Variants in GRID2 observed in about 807,000 individuals in gnomAD.
GRID2 encodes the protein glutamate receptor ionotropic, delta-2.
A neutral mutation model predicts 114.8 loss-of-function variants in GRID2; 33 were observed. The observed-to-expected ratio is 0.29, with a 90% confidence interval of 0.22 to 0.38. The LOEUF is 0.38. Ranked by LOEUF, GRID2 falls within the 10% of genes least tolerant of loss-of-function variation. GRID2 has a pLI of 1.00. For missense variants in GRID2, 1,184 were observed against 1,257.7 expected (o/e 0.94, Z 0.89); for synonymous variants, 505 against 449.9 (o/e 1.12, Z -1.55).
chr4:93,287,357 G>A (rs1302851376), intron 8 of GRID2, among the ~76,000 whole-genome samples: 1 of 152,204 alleles, frequency 6.6e-6, no homozygotes, highest in Non-Finnish European at 1.5e-5. Flanking sequence ...AGTGATAGTA[G>A]AAGAACTGGG....
intron 2 of GRID2, among the ~76,000 whole-genome samples, chr4:92,831,161 T>C (rs574381914): frequency 4.9e-4 from 74 of 152,316 alleles, no homozygotes; most frequent in Non-Finnish European, 8.2e-4. Flanking sequence ...TTGCATTCCA[T>C]GTAACAAAAA....
chr4:93,238,574 C>A, intron 8 of GRID2, 84 bp downstream of exon 8: 3 of 1,129,502 alleles, frequency 2.7e-6, no homozygotes, highest in Non-Finnish European at 3.9e-6. Flanking sequence ...GATCACAGTA[C>A]CCATTAAAGT....
chr4:93,626,107 G>C (rs900078993), intron 13 of GRID2, among the ~76,000 whole-genome samples, 162 bp from the exon 14 acceptor site: 1 of 152,102 alleles, frequency 6.6e-6, no homozygotes, highest in Non-Finnish European at 1.5e-5. Context: ...ATCCACAGGG[G>C]TTCTGAAATC....
chr4:92,555,518 T>A (rs1431794490), intron 1 of GRID2, among the ~76,000 whole-genome samples: 1 of 152,026 alleles, frequency 6.6e-6, no homozygotes, highest in Non-Finnish European at 1.5e-5. Context: ...GTGAGAAAAA[T>A]GAAGGCAGCT....
chr4:93,192,631 C>T (rs370272612), intron 4 of GRID2, among the ~76,000 whole-genome samples: 8 of 151,504 alleles, frequency 5.3e-5, no homozygotes, highest in African/African-American at 1.9e-4. Context: ...CCTCTAATCC[C>T]AGCTACTCGG....
At chr4:93,380,022 C>T (rs926235395) in intron 8 of GRID2, among the ~76,000 whole-genome samples, 1 of 151,904 alleles carries the variant, frequency 6.6e-6, no homozygotes, top group Non-Finnish European at 1.5e-5. Flanking sequence ...TAAATGGTGC[C>T]CAACCCTGCG....
intron 14 of GRID2, among the ~76,000 whole-genome samples, chr4:93,709,790 T>C (rs1728325891): frequency 6.6e-6 from 1 of 152,196 alleles, no homozygotes; most frequent in African/African-American, 2.4e-5. Flanking sequence ...CTTCTGACTG[T>C]ATGTTTAAAT....
rs1400475421 is a variant in GRID2 at position 92,757,924 on chromosome 4, A to G, written c.244+167638A>G. Among the ~76,000 whole-genome samples the G allele has an allele frequency of 3.9e-5, 6 of 152,054 alleles. No homozygotes were observed. The East Asian group carries it at 1.2e-3, about 29-fold the overall frequency. On this transcript the variant is annotated intron_variant, in intron 2 of 15. Coordinates refer to ENST00000282020, the MANE Select transcript of GRID2 (RefSeq NM_001510.4). ...AATCTTCCTAAGAAAGGTTTTAAAC[A>G]GAGTAGTGGGGCAAATTCCAAAAAA...
At position 92,851,875 on chromosome 4, in the gene GRID2, CA is replaced by C. The variant is rs1404778141; in HGVS notation, c.245-233114del. 2.0e-5 allele frequency among the ~76,000 whole-genome samples: 3 copies of C among 151,964 alleles called. No homozygotes were observed. In the East Asian group the frequency reaches 5.8e-4, roughly 29 times the overall value. On this transcript the variant is annotated intron_variant, in intron 2 of 15. Transcript: ENST00000282020. ...GGTCATTCACAAAACAGGAATGAATCAAAAAATATGTACTTTCTTTGCAAAA... is the reference window on the plus strand; with the variant it reads ...GGTCATTCACAAAACAGGAATGAATCAAAAATATGTACTTTCTTTGCAAAA...
chr4:93,489,004 C>A (rs999326407), intron 11 of GRID2, among the ~76,000 whole-genome samples: 21 of 151,850 alleles, frequency 1.4e-4, no homozygotes, highest in Admixed American at 1.4e-3. Context: ...ATAATTTAGT[C>A]CATAACACAG....
intron 13 of GRID2, among the ~76,000 whole-genome samples, chr4:93,587,389 T>G (rs1004175512): frequency 2.6e-4 from 40 of 152,166 alleles, no homozygotes; most frequent in African/African-American, 8.9e-4. Flanking sequence ...CAGATTGTAT[T>G]TTGAGATACT....
At chr4:92,825,810 A>C (rs1479696098) in intron 2 of GRID2, among the ~76,000 whole-genome samples, 1 of 152,142 alleles carries the variant, frequency 6.6e-6, no homozygotes, top group Admixed American at 6.6e-5. Flanking sequence ...TGCCATCAGC[A>C]AAAAAGGAAA....
intron 2 of GRID2, among the ~76,000 whole-genome samples, chr4:92,892,126 C>T (rs933706748): frequency 1.3e-5 from 2 of 151,712 alleles, no homozygotes; most frequent in Non-Finnish European, 2.9e-5. Context: ...TGCAGTGGCA[C>T]GATCTTGGCT....
rs1364305885 is a variant in GRID2, at chr4:93,449,790, A to G, written c.1546-5872A>G. Among the ~76,000 whole-genome samples, 4 of 152,152 alleles carry G rather than the reference A, an allele frequency of 2.6e-5. No homozygotes were observed. In the East Asian group the frequency reaches 7.8e-4, roughly 30 times the overall value. On this transcript the variant is annotated intron_variant, in intron 10 of 15. Transcript: ENST00000282020. The stretch of plus-strand genomic sequence containing the variant: ...ATGTTTCATCAATACTTTACTAGTA[A>G]TGTGAATGAAGAATTAAAGGCTTGC...
chr4:92,470,100 G>T (rs6856342), intron 1 of GRID2, among the ~76,000 whole-genome samples: 26,213 of 151,650 alleles, frequency 0.17, 3,083 homozygotes, highest in African/African-American at 0.34. Context: ...ATAAAAACAG[G>T]TGTGAAAATT....
chr4:92,808,122 T>G (rs1740503118), intron 2 of GRID2, among the ~76,000 whole-genome samples: 1 of 151,902 alleles, frequency 6.6e-6, no homozygotes, highest in African/African-American at 2.4e-5. Context: ...CTGCTGGCTT[T>G]GAAGATGGAA....
At chr4:93,206,675 C>A (rs1742834417) in intron 4 of GRID2, among the ~76,000 whole-genome samples, 1 of 151,662 alleles carries the variant, frequency 6.6e-6, no homozygotes, top group Non-Finnish European at 1.5e-5. Context: ...AGCCAAGAAT[C>A]ATTTAGAATA....
At chr4:92,593,783 G>A (rs1028244343) in intron 2 of GRID2, among the ~76,000 whole-genome samples, 2 of 150,580 alleles carry the variant, frequency 1.3e-5, no homozygotes, top group African/African-American at 2.4e-5. Flanking sequence ...CATCTTTTGT[G>A]TACTGAGCTG....
intron 8 of GRID2, among the ~76,000 whole-genome samples, chr4:93,287,579 A>G (rs1753318542): frequency 6.6e-6 from 1 of 152,176 alleles, no homozygotes; most frequent in African/African-American, 2.4e-5. Flanking sequence ...ATTATACTGA[A>G]TTTAGGGAGT....
Sources: gnomAD v4.1 joint callset for allele counts (sites outside exome capture counted in the v4.1 genomes callset) on GRCh38, gnomAD v4.1.1 for gene constraint, MANE v1.5 for transcripts, NCBI Gene and HGNC (gene_info 2026-07-23, HGNC 2026-07-21) for gene names.